ADARB2: variants seen among roughly 807,000 people sequenced by gnomAD.
ADARB2 encodes adenosine deaminase RNA specific B2 (inactive).
ADARB2 carries 25 observed loss-of-function variants against 62.2 expected under a neutral mutation model. The ratio of observed to expected loss-of-function variants is 0.40; its 90% CI spans 0.29 to 0.56. ADARB2 has a LOEUF of 0.56. Among genes scored for constraint, ADARB2 ranks in the 20% least tolerant of loss-of-function variants. ADARB2 has a pLI of 0.43. For missense variants in ADARB2, 1,071 were observed against 1,077.4 expected, an observed-to-expected ratio of 0.99 and a Z score of 0.08; for synonymous variants, 572 against 500.8, an observed-to-expected ratio of 1.14 and a Z score of -1.90.
chr10:1,380,663 G>A (rs1359401199), intron 1 of ADARB2, among the ~76,000 whole-genome samples: 2 of 152,176 alleles, frequency 1.3e-5, no homozygotes, highest in African/African-American at 2.4e-5. Context: ...GTTGTTTCCA[G>A]TAGGGACGGG....
At chr10:1,368,878 G>A (rs1056524066) in intron 2 of ADARB2, among the ~76,000 whole-genome samples, 1 of 63,590 alleles carries the variant, frequency 1.6e-5, no homozygotes, top group Non-Finnish European at 4.6e-5. Flanking sequence ...TGTGGCAGTC[G>A]TGGGGCCGGG....
At chr10:1,283,186 T>TTTC (rs1759776357) in intron 3 of ADARB2, among the ~76,000 whole-genome samples, 1 of 152,212 alleles carries the variant, frequency 6.6e-6, no homozygotes, top group Non-Finnish European at 1.5e-5. Flanking sequence ...TATGCTTGTC[T>TTTC]TTCTTTCTCC....
chr10:1,377,701 G>C (rs1359533774), intron 2 of ADARB2, among the ~76,000 whole-genome samples: 2 of 152,074 alleles, frequency 1.3e-5, no homozygotes, highest in African/African-American at 4.8e-5. Flanking sequence ...CTGTGCTAGA[G>C]AGGGAGCACA....
chr10:1,432,246 CT>C lies in ADARB2; in HGVS notation c.101-53087del, dbSNP rs1830783557. On this transcript the variant is annotated intron_variant, in intron 1 of 9. Transcript: ENST00000381312. ...ATCTTTGAATGATAGAAACATAGCT[CT>C]CAGGGTGTCTTATTTAACTTGTGAT... 4.6e-5 allele frequency among the ~76,000 whole-genome samples: 7 copies of C among 152,168 alleles called. No individual in the cohort carries two copies. The South Asian group carries it at 1.5e-3, about 32-fold the overall frequency.
intron 1 of ADARB2, among the ~76,000 whole-genome samples, chr10:1,523,435 A>G (rs1832099849): frequency 6.6e-6 from 1 of 152,172 alleles, no homozygotes; most frequent in South Asian, 2.1e-4. Flanking sequence ...GGGGAAACCA[A>G]GAACAAAGCC....
intron 4 of ADARB2, among the ~76,000 whole-genome samples, chr10:1,249,181 C>T (rs555728886): frequency 2.6e-5 from 4 of 152,320 alleles, no homozygotes; most frequent in African/African-American, 7.2e-5. Context: ...GTGGTTCACA[C>T]CTGTAATCCC....
At position 1,440,065 on chromosome 10, in the gene ADARB2, T is replaced by C. The variant is rs1292961328; in HGVS notation, c.101-60905A>G. On this transcript the variant is annotated intron_variant, in intron 1 of 9. Transcript: ENST00000381312. ...GTCTCCTCAGCAGATGGAGGCAGGT[T>C]CTTCACTATGGGGCTCCTGAGTCTC... Among the ~76,000 whole-genome samples the C allele has an allele frequency of 1.9e-3, 227 of 118,326 alleles. No individual in the cohort carries two copies. The Middle Eastern group carries it at 0.049, about 26-fold the overall frequency. The allele number at this position is 118,326 out of a possible 152,430, so 77.6% of individuals were successfully genotyped here.
intron 1 of ADARB2, among the ~76,000 whole-genome samples, chr10:1,399,204 C>T (rs1218286935): frequency 6.6e-6 from 1 of 152,070 alleles, no homozygotes; most frequent in African/African-American, 2.4e-5. Context: ...GCTGAAGTGC[C>T]GGCTGTTTTC....
At chr10:1,490,556 A>G (rs1263107414) in intron 1 of ADARB2, among the ~76,000 whole-genome samples, 3 of 152,034 alleles carry the variant, frequency 2.0e-5, no homozygotes, top group Non-Finnish European at 4.4e-5. Context: ...CTGGGTTCAA[A>G]TGATTCTCCT....
At chr10:1,313,099 T>C (rs1220170948) in intron 3 of ADARB2, among the ~76,000 whole-genome samples, 1 of 152,134 alleles carries the variant, frequency 6.6e-6, no homozygotes, top group East Asian at 1.9e-4. Flanking sequence ...AAGCATCTGC[T>C]GAAGGCCTGG....
At chr10:1,505,924 C>T (rs1831841574) in intron 1 of ADARB2, among the ~76,000 whole-genome samples, 1 of 152,212 alleles carries the variant, frequency 6.6e-6, no homozygotes, top group South Asian at 2.1e-4. Context: ...TCAATGTATC[C>T]TTTTCCTTGA....
chr10:1,266,444 G>T (rs1831201354), intron 4 of ADARB2, among the ~76,000 whole-genome samples: 1 of 150,984 alleles, frequency 6.6e-6, no homozygotes, highest in Admixed American at 6.6e-5. Flanking sequence ...CTACAGGGAG[G>T]AAAGGACCGC....
intron 1 of ADARB2, among the ~76,000 whole-genome samples, chr10:1,459,744 A>G (rs1431563394): frequency 6.6e-6 from 1 of 152,202 alleles, no homozygotes; most frequent in Non-Finnish European, 1.5e-5. Flanking sequence ...CTGGGTGACA[A>G]GATTGAAACT....
At chr10:1,235,207 T>G (rs561481994) in intron 5 of ADARB2, among the ~76,000 whole-genome samples, 1 of 145,140 alleles carries the variant, frequency 6.9e-6, no homozygotes, top group East Asian at 2.0e-4. Flanking sequence ...TTGTGTGTGA[T>G]TAAAAGGAGG....
At chr10:1,555,947 A>G (rs562173236) in intron 1 of ADARB2, among the ~76,000 whole-genome samples, 35 of 152,332 alleles carry the variant, frequency 2.3e-4, no homozygotes, top group African/African-American at 7.9e-4. Flanking sequence ...AAAACAAAAC[A>G]AAACAAAAAA....
intron 1 of ADARB2, among the ~76,000 whole-genome samples, chr10:1,449,704 T>C (rs920039128): frequency 2.0e-5 from 3 of 152,210 alleles, no homozygotes; most frequent in African/African-American, 4.8e-5. Flanking sequence ...GGGGACACAG[T>C]GAGGCTCATC....
intron 1 of ADARB2, among the ~76,000 whole-genome samples, chr10:1,670,002 T>C (rs192716337): frequency 3.0e-4 from 45 of 152,270 alleles, no homozygotes; most frequent in African/African-American, 9.6e-4. Context: ...ACCATTCACG[T>C]GTGGGTACAG....
chr10:1,628,694 G>C (rs895739107), intron 1 of ADARB2, among the ~76,000 whole-genome samples: 1 of 152,246 alleles, frequency 6.6e-6, no homozygotes, highest in South Asian at 2.1e-4. Context: ...TTTTAGCATG[G>C]ATCTCTACGT....
chr10:1,501,951 G>A (rs566572540), intron 1 of ADARB2, among the ~76,000 whole-genome samples: 34 of 152,278 alleles, frequency 2.2e-4, no homozygotes, highest in Middle Eastern at 3.4e-3. Context: ...CTGGCTGAAG[G>A]GTCACCACTG....
Sources: allele counts gnomAD v4.1 joint callset (sites outside exome capture counted in the v4.1 genomes callset), GRCh38; gene constraint gnomAD v4.1.1; transcripts MANE v1.5; gene names NCBI Gene and HGNC (gene_info 2026-07-23, HGNC 2026-07-21).